Variants in CLIC6 observed in about 807,000 individuals in gnomAD.
CLIC6 encodes chloride intracellular channel protein 6.
CLIC6 carries 39 observed loss-of-function variants against 49.2 expected under a neutral mutation model. The ratio of observed to expected loss-of-function variants is 0.79; its 90% CI spans 0.61 to 1.04. The LOEUF (loss-of-function observed/expected upper bound fraction) is 1.04. Among genes scored for constraint, CLIC6 ranks in the 50% least tolerant of loss-of-function variants. CLIC6 has a pLI of 0.00. For synonymous variants in CLIC6, 446 were observed against 433.4 expected, an observed-to-expected ratio of 1.03 and a Z score of -0.36; for missense variants, 988 against 993.1, an observed-to-expected ratio of 0.99 and a Z score of 0.07.
intron 1 of CLIC6, among the ~76,000 whole-genome samples, chr21:34,671,143 G>A (rs11700395): frequency 0.041 from 3,214 of 78,796 alleles, 78 homozygotes; most frequent in Middle Eastern, 0.085. Context: ...AAAAAAAAAA[G>A]AAGAAGAAGA....
intron 1 of CLIC6, among the ~76,000 whole-genome samples, chr21:34,694,321 C>G (rs570410257): frequency 6.6e-6 from 1 of 151,980 alleles, no homozygotes; most frequent in South Asian, 2.1e-4. Context: ...ATTTTTGAGA[C>G]AGGGTCTCGC....
Position 34,716,615 on chromosome 21 carries a change from CATT to C in CLIC6, c.*134_*136del, listed in dbSNP as rs1483329367. ...ACTGGTCTCTGAGAGTTTTTTAAAT[CATT>C]GAGAGCCTGTTTTTCTTCTCTAAAA... On this transcript the variant is annotated 3_prime_UTR_variant, in exon 6 of 6. Transcript: ENST00000349499. 1 of 583,710 alleles carries C rather than the reference CATT, an allele frequency of 1.7e-6. No individual in the cohort carries two copies. Among genetic ancestry groups the C allele is most frequent in the African/African-American group, 1.9e-5 (1 of 52,078 alleles). 36.2% of individuals were successfully genotyped at this position (583,710 alleles called of 1,614,324 possible). A position where few individuals can be genotyped will look rare whatever the true frequency, so the allele number is the denominator to read the frequency against.
intron 1 of CLIC6, among the ~76,000 whole-genome samples, chr21:34,693,941 G>C (rs1044811084): frequency 6.6e-6 from 1 of 150,754 alleles, no homozygotes; most frequent in Non-Finnish European, 1.5e-5. Context: ...GTTCTTATGA[G>C]ATCTGTTGTT....
intron 1 of CLIC6, among the ~76,000 whole-genome samples, chr21:34,687,185 AG>A (rs1325942563): frequency 6.6e-6 from 1 of 152,050 alleles, no homozygotes; most frequent in African/African-American, 2.4e-5. Context: ...TCTAAAGGGG[AG>A]GGGGCAATCA....
Position 34,716,334 on chromosome 21 carries a change from A to G in CLIC6, c.1913A>G (p.Lys638Arg), listed in dbSNP as rs1314460348. 3 of 1,611,092 alleles carry G rather than the reference A, an allele frequency of 1.9e-6. No individual in the cohort carries two copies. The highest frequency in any genetic ancestry group is 1.7e-6 in the Non-Finnish European group (2 of 1,179,276). Residue 638 changes from lysine (K) to arginine (R), a missense_variant, in exon 6 of 6, where the codon AAG becomes AGG. Lys to Arg is a conservative substitution (Grantham distance 26, BLOSUM62 2). Coordinates refer to ENST00000349499, the MANE Select transcript of CLIC6 (RefSeq NM_053277.3). ...CTTCATTTTCAGATTGTGGCCAAGAAGTACAGAGATTTTGAATTTCCTTCT... is the reference window on the plus strand; with the variant it reads ...CTTCATTTTCAGATTGTGGCCAAGAGGTACAGAGATTTTGAATTTCCTTCT... ...KLHIIKIVAK[K>R]YRDFEFPSEM...
intron 1 of CLIC6, among the ~76,000 whole-genome samples, chr21:34,677,463 C>A (rs1286131535): frequency 6.6e-6 from 1 of 152,114 alleles, no homozygotes; most frequent in Non-Finnish European, 1.5e-5. Flanking sequence ...GTAGCAAGTG[C>A]CTTTAATCAG....
intron 5 of CLIC6, among the ~76,000 whole-genome samples, chr21:34,715,525 T>G (rs979169066): frequency 6.6e-6 from 1 of 152,170 alleles, no homozygotes; most frequent in African/African-American, 2.4e-5. Flanking sequence ...GATCTTGGAC[T>G]TCTGGCCCCC....
intron 4 of CLIC6, 64 bp from the exon 5 acceptor site, chr21:34,709,293 A>G (rs1416900869): frequency 1.4e-6 from 2 of 1,446,756 alleles, no homozygotes; most frequent in Non-Finnish European, 1.9e-6. Flanking sequence ...ACTCCATCAC[A>G]GCTGGTGAAA....
chr21:34,674,775 CAT>C (rs1989630615), intron 1 of CLIC6, among the ~76,000 whole-genome samples: 1 of 152,154 alleles, frequency 6.6e-6, no homozygotes, highest in Admixed American at 6.5e-5. Context: ...TTTCTTTCCT[CAT>C]AATAACAAAG....
rs935572500 is a variant in CLIC6 at position 34,714,457 on chromosome 21, G to C, written c.1900-1864G>C. 2.8e-4 allele frequency among the ~76,000 whole-genome samples: 43 copies of C among 152,148 alleles called. 1 individual carries two copies. Among genetic ancestry groups the C allele is most frequent in the African/African-American group, 9.9e-4 (41 of 41,432 alleles). On this transcript the variant is annotated intron_variant, in intron 5 of 5. Transcript: ENST00000349499. The stretch of plus-strand genomic sequence containing the variant: ...AATTCCAGAACTTTGGGTGGCTGAG[G>C]CGGGTGGATCACTTGAGGCCAGGAG...
intron 1 of CLIC6, among the ~76,000 whole-genome samples, chr21:34,694,660 C>T: frequency 6.6e-6 from 1 of 152,142 alleles, no homozygotes; most frequent in East Asian, 1.9e-4. Context: ...CCCAGCCATG[C>T]TTCCTGTACA....
Position 34,708,051 on chromosome 21 carries a change from A to G in CLIC6, c.1592A>G (p.Glu531Gly). The change falls in exon 3 of 6, where the codon GAG becomes GGG. Residue 531 changes from glutamate (E) to glycine (G), a missense_variant. Physicochemically the swap from Glu to Gly is moderately conservative, Grantham distance 98. Coordinates refer to ENST00000349499, the MANE Select transcript of CLIC6 (RefSeq NM_053277.3). ...AATAAGATCGAGGAGTTCTTAGAGG[A>G]GAAATTAGCTCCCCCGAGGTAGGCC... ...DVNKIEEFLEEKLAPPRYPKL... is the reference protein window; with the variant it reads ...DVNKIEEFLEGKLAPPRYPKL... The G allele has an allele frequency of 1.2e-6, 2 of 1,614,092 alleles. No homozygotes were observed. Among genetic ancestry groups the G allele is most frequent in the Non-Finnish European group, 1.7e-6 (2 of 1,180,000 alleles).
chr21:34,707,423 G>A, intron 2 of CLIC6, 34 bp downstream of exon 2: 2 of 1,049,778 alleles, frequency 1.9e-6, no homozygotes, highest in Non-Finnish European at 2.8e-6. Flanking sequence ...TGAAATAACT[G>A]TACCTAGTTC....
intron 1 of CLIC6, among the ~76,000 whole-genome samples, chr21:34,692,092 A>T: frequency 6.6e-6 from 1 of 152,250 alleles, no homozygotes; most frequent in East Asian, 1.9e-4. Flanking sequence ...AAGAGATCTG[A>T]CAAGCATGTC....
Position 34,717,728 on chromosome 21 carries a change from A to G in CLIC6, c.*1246A>G, listed in dbSNP as rs2056095554. The G allele has an allele frequency of 6.6e-6, 1 of 152,192 alleles. No individual in the cohort carries two copies. The highest frequency in any genetic ancestry group is 6.5e-5 in the Admixed American group (1 of 15,284). 9.4% of individuals were successfully genotyped at this position (152,192 alleles called of 1,614,324 possible). ...TTATCAGCCAGAATGTGTTCTTCGG[A>G]CAGTCGTACACATCTTACAGAAAAC... is the stretch of plus-strand genomic sequence containing the variant. On this transcript the variant is annotated 3_prime_UTR_variant, in exon 6 of 6. Transcript: ENST00000349499.
chr21:34,698,814 C>T (rs1291919585), intron 1 of CLIC6, among the ~76,000 whole-genome samples: 3 of 152,182 alleles, frequency 2.0e-5, no homozygotes, highest in Non-Finnish European at 4.4e-5. Flanking sequence ...AAAATGGCAT[C>T]TTATCAGGGT....
rs547981752 is a variant in CLIC6 at position 34,701,531 on chromosome 21, C to G, written c.1375-5749C>G. Among the ~76,000 whole-genome samples the G allele has an allele frequency of 4.6e-5, 7 of 152,022 alleles. No individual in the cohort carries two copies. The East Asian group carries it at 1.2e-3, about 25-fold the overall frequency. ...CCCAGGGATTCCAGTGTATCACACA[C>G]AGATCTTGCATGATGTAGGTGCATG... On this transcript the variant is annotated intron_variant, in intron 1 of 5. Coordinates refer to ENST00000349499, the MANE Select transcript of CLIC6 (RefSeq NM_053277.3).
At chr21:34,708,958 C>T (rs2056036634) in intron 4 of CLIC6, 152 bp downstream of exon 4, 1 of 630,950 alleles carries the variant, frequency 1.6e-6, no homozygotes, top group East Asian at 2.7e-5. Context: ...TTTGAATCTG[C>T]ACGTGGGCTT....
At chr21:34,715,153 G>A (rs1207380692) in intron 5 of CLIC6, among the ~76,000 whole-genome samples, 3 of 152,230 alleles carry the variant, frequency 2.0e-5, no homozygotes, top group Admixed American at 1.3e-4. Context: ...CTGGGAACCA[G>A]TGGGACAGGA....
Sources: allele counts gnomAD v4.1 joint callset (sites outside exome capture counted in the v4.1 genomes callset), GRCh38; gene constraint gnomAD v4.1.1; transcripts MANE v1.5; gene names NCBI Gene and HGNC (gene_info 2026-07-23, HGNC 2026-07-21).